GRAP2: variants seen among roughly 807,000 people sequenced by gnomAD.
GRAP2 encodes the protein GRB2 related adaptor protein 2, also known as GRB2-related adapter protein 2.
Under a neutral mutation model 43.5 loss-of-function variants are expected in GRAP2, and 31 were observed. The observed-to-expected ratio is 0.71, with a 90% confidence interval of 0.54 to 0.96. The LOEUF (loss-of-function observed/expected upper bound fraction) is 0.96. Ranked by LOEUF, GRAP2 falls within the 40% of genes least tolerant of loss-of-function variation. GRAP2 has a pLI of 0.00. For missense variants in GRAP2, 371 were observed against 424.4 expected (o/e 0.87, Z 1.11); for synonymous variants, 156 against 164.8 (o/e 0.95, Z 0.41).
chr22:39,900,049 T>C (rs1439868770), upstream of GRAP2, among the ~76,000 whole-genome samples: 1 of 152,320 alleles, frequency 6.6e-6, no homozygotes, highest in East Asian at 1.9e-4. Flanking sequence ...AAATATTTAC[T>C]GAGCATTTTC....
At chr22:39,953,134 C>T (rs866954904) in intron 2 of GRAP2, among the ~76,000 whole-genome samples, 1 of 152,150 alleles carries the variant, frequency 6.6e-6, no homozygotes, top group Non-Finnish European at 1.5e-5. Flanking sequence ...CCCAAGGGCC[C>T]TGTGACTTCA....
chr22:39,951,159 C>G (rs537324591), intron 2 of GRAP2, among the ~76,000 whole-genome samples: 1 of 152,176 alleles, frequency 6.6e-6, no homozygotes, highest in South Asian at 2.1e-4. Context: ...AGATGGTGGA[C>G]AGGAAAACGC....
In GRAP2 at chr22:39,901,290, T is replaced by A. The variant is rs1225041761; in HGVS notation, c.-55T>A. 1 of 1,282,278 alleles carries A rather than the reference T, an allele frequency of 7.8e-7. No homozygotes were observed. Among genetic ancestry groups the A allele is most frequent in the Non-Finnish European group, 1.0e-6 (1 of 982,396 alleles). 79.4% of individuals were successfully genotyped at this position (1,282,278 alleles called of 1,614,324 possible). On this transcript the variant is annotated 5_prime_UTR_variant, in exon 1 of 8. Transcript: ENST00000344138. The stretch of plus-strand genomic sequence containing the variant: ...CAGAAAGGATTCTAATAACTCGGTG[T>A]CAAAGCCAAGACATAAACTCAACCC...
chr22:39,940,644 G>A (rs1319616213), intron 1 of GRAP2, among the ~76,000 whole-genome samples: 1 of 151,982 alleles, frequency 6.6e-6, no homozygotes, highest in African/African-American at 2.4e-5. Flanking sequence ...CACACAGTAG[G>A]GGTTTCAATA....
intron 1 of GRAP2, among the ~76,000 whole-genome samples, chr22:39,929,599 A>T (rs563770067): frequency 6.6e-6 from 1 of 152,300 alleles, no homozygotes; most frequent in African/African-American, 2.4e-5. Context: ...CTCCTGCTGA[A>T]CAAATGAACT....
intron 1 of GRAP2, among the ~76,000 whole-genome samples, chr22:39,919,169 T>C (rs999023646): frequency 6.6e-6 from 1 of 152,156 alleles, no homozygotes; most frequent in Non-Finnish European, 1.5e-5. Context: ...ATAGAAGATA[T>C]TGACAATAGC....
At chr22:39,969,174 T>A (rs1394749844) in intron 6 of GRAP2, among the ~76,000 whole-genome samples, 1 of 152,246 alleles carries the variant, frequency 6.6e-6, no homozygotes, top group Non-Finnish European at 1.5e-5. Flanking sequence ...ACATGGTAGG[T>A]GCCTGATAAA....
intron 6 of GRAP2, among the ~76,000 whole-genome samples, chr22:39,969,096 A>C (rs1218085521): frequency 2.6e-5 from 4 of 152,032 alleles, no homozygotes; most frequent in African/African-American, 9.7e-5. Context: ...TCCCCCTCTA[A>C]ATGGAAGCTC....
chr22:39,952,840 T>C (rs2067001146), intron 2 of GRAP2, among the ~76,000 whole-genome samples: 1 of 152,206 alleles, frequency 6.6e-6, no homozygotes, highest in Non-Finnish European at 1.5e-5. Context: ...GAGTCTACAC[T>C]TTCTGAAGGA....
At chr22:39,910,137 G>A (rs1001190079) in intron 1 of GRAP2, among the ~76,000 whole-genome samples, 4 of 152,052 alleles carry the variant, frequency 2.6e-5, no homozygotes, top group Non-Finnish European at 4.4e-5. Flanking sequence ...TTAAGCACCC[G>A]CCTCTGATTG....
intron 1 of GRAP2, among the ~76,000 whole-genome samples, chr22:39,931,757 A>T (rs915600823): frequency 5.9e-5 from 9 of 152,206 alleles, no homozygotes; most frequent in African/African-American, 1.9e-4. Flanking sequence ...AGTTTAGAAG[A>T]TTTCTGCTTT....
At chr22:39,918,813 G>A (rs1336162006) in intron 1 of GRAP2, among the ~76,000 whole-genome samples, 4 of 152,170 alleles carry the variant, frequency 2.6e-5, no homozygotes, top group African/African-American at 9.7e-5. Context: ...ACAAAACGTT[G>A]TTTAGTACCT....
chr22:39,969,288 C>A, intron 6 of GRAP2, 123 bp from the exon 7 acceptor site: 1 of 1,120,118 alleles, frequency 8.9e-7, no homozygotes, highest in Non-Finnish European at 1.3e-6. Context: ...GGTTTATTGT[C>A]ATTATCAGTA....
intron 1 of GRAP2, among the ~76,000 whole-genome samples, chr22:39,929,942 A>G (rs557106984): frequency 6.6e-6 from 1 of 152,332 alleles, no homozygotes; most frequent in South Asian, 2.1e-4. Context: ...TTCTAGACCT[A>G]TGCTGTCCCA....
chr22:39,940,262 C>T (rs2066853692), intron 1 of GRAP2, among the ~76,000 whole-genome samples: 1 of 152,160 alleles, frequency 6.6e-6, no homozygotes, highest in African/African-American at 2.4e-5. Context: ...AACAGGTATT[C>T]TCTAAGCAGG....
intron 2 of GRAP2, among the ~76,000 whole-genome samples, chr22:39,949,718 C>T (rs1046479479): frequency 2.0e-5 from 3 of 152,224 alleles, no homozygotes; most frequent in Middle Eastern, 3.4e-3. Context: ...TCCATCTTGC[C>T]GGGTTGTGGA....
At chr22:39,960,358 A>C in intron 4 of GRAP2, 184 bp downstream of exon 4, 6 of 582,516 alleles carry the variant, frequency 1.0e-5, no homozygotes, top group South Asian at 2.2e-5. Flanking sequence ...TGCACACACC[A>C]CTCTTTAGAA....
intron 3 of GRAP2, among the ~76,000 whole-genome samples, chr22:39,957,067 G>A (rs2067061727): frequency 1.3e-5 from 2 of 152,130 alleles, no homozygotes; most frequent in Non-Finnish European, 2.9e-5. Context: ...TTGAGATTGG[G>A]CTTCGTTTGT....
At chr22:39,921,865 G>A (rs1390083061) in intron 1 of GRAP2, among the ~76,000 whole-genome samples, 2 of 152,142 alleles carry the variant, frequency 1.3e-5, no homozygotes, top group Non-Finnish European at 2.9e-5. Context: ...GAGTGCAGTG[G>A]CACAATTATA....
Sources: allele counts gnomAD v4.1 joint callset (sites outside exome capture counted in the v4.1 genomes callset), GRCh38; gene constraint gnomAD v4.1.1; transcripts MANE v1.5; gene names NCBI Gene and HGNC (gene_info 2026-07-23, HGNC 2026-07-21).